The following PDE8B variants were observed in gnomAD, a reference collection of about 807,000 sequenced individuals.
PDE8B encodes phosphodiesterase 8B.
Under a neutral mutation model 101.3 loss-of-function variants are expected in PDE8B, and 26 were observed. That is an observed-to-expected ratio of 0.26 (90% CI 0.19 to 0.36). The LOEUF is 0.36. PDE8B is among the 10% of genes least tolerant of loss of function. PDE8B has a pLI of 1.00. For missense variants in PDE8B, 810 were observed against 1,163.1 expected, an observed-to-expected ratio of 0.70 and a Z score of 4.42; for synonymous variants, 424 against 429.3, an observed-to-expected ratio of 0.99 and a Z score of 0.15.
At chr5:77,218,536 A>G (rs1418306245) in intron 1 of PDE8B, among the ~76,000 whole-genome samples, 1 of 152,190 alleles carries the variant, frequency 6.6e-6, no homozygotes, top group Non-Finnish European at 1.5e-5. Flanking sequence ...TGGTCCTGGA[A>G]CTGCAGTTAT....
chr5:77,331,136 G>T (rs1777040679), intron 4 of PDE8B, among the ~76,000 whole-genome samples: 1 of 152,244 alleles, frequency 6.6e-6, no homozygotes, highest in Non-Finnish European at 1.5e-5. Flanking sequence ...GGGCAGCTGA[G>T]TTGGAAAGGG....
the PDE8B span, among the ~76,000 whole-genome samples, chr5:77,204,376 A>T: frequency 4.0e-5 from 6 of 150,360 alleles, no homozygotes; most frequent in African/African-American, 1.5e-4. Context: ...GCACCACTGT[A>T]CTCAAGCCTG....
At chr5:77,326,128 T>C (rs1223312231) in intron 3 of PDE8B, among the ~76,000 whole-genome samples, 1 of 152,240 alleles carries the variant, frequency 6.6e-6, no homozygotes, top group African/African-American at 2.4e-5. Context: ...AAATATAAAT[T>C]TTTTCCTGCC....
the PDE8B span, chr5:77,140,997 C>A: frequency 6.6e-6 from 1 of 151,976 alleles, no homozygotes; most frequent in African/African-American, 2.4e-5. Flanking sequence ...AAAAAATTTT[C>A]TCTGTGTTTC....
At chr5:77,276,386 G>C (rs947152610) in intron 1 of PDE8B, among the ~76,000 whole-genome samples, 4 of 152,170 alleles carry the variant, frequency 2.6e-5, no homozygotes, top group African/African-American at 9.7e-5. Flanking sequence ...CTCATCCAGA[G>C]TGTCTTCTCC....
intron 1 of PDE8B, among the ~76,000 whole-genome samples, chr5:77,235,583 A>C (rs1003717114): frequency 2.6e-5 from 4 of 151,934 alleles, no homozygotes; most frequent in Non-Finnish European, 4.4e-5. Context: ...AGGTCCTTAC[A>C]CTCATAGTGC....
chr5:77,255,185 T>C (rs4704400), intron 1 of PDE8B, among the ~76,000 whole-genome samples: 81,644 of 152,024 alleles, frequency 0.54, 21,999 homozygotes, highest in South Asian at 0.62. Flanking sequence ...TACACTCTTT[T>C]TGGGGGTGAT....
chr5:77,236,264 G>T (rs1288282501), intron 1 of PDE8B, among the ~76,000 whole-genome samples: 1 of 152,166 alleles, frequency 6.6e-6, no homozygotes, highest in Admixed American at 6.5e-5. Context: ...AGAGGACAAG[G>T]TTCTAGCTAC....
At chr5:77,363,043 T>A (rs926854342) in intron 10 of PDE8B, among the ~76,000 whole-genome samples, 2 of 152,368 alleles carry the variant, frequency 1.3e-5, no homozygotes, top group African/African-American at 4.8e-5. Context: ...GTGGAGCTCA[T>A]GGAAGAGCCT....
At chr5:77,119,656 C>CA in the PDE8B span, 13,713 of 59,924 alleles carry the variant, frequency 0.23, 1,439 homozygotes, top group Non-Finnish European at 0.28. Flanking sequence ...GACTCTGTCT[C>CA]AAAAAAAAAA....
At chr5:77,413,946 TCTC>T (rs1315834601) in intron 17 of PDE8B, among the ~76,000 whole-genome samples, 1 of 152,066 alleles carries the variant, frequency 6.6e-6, no homozygotes, top group Non-Finnish European at 1.5e-5. Context: ...GATCCCCATC[TCTC>T]CTCCTCCCCA....
At chr5:77,134,999 G>C in the PDE8B span, among the ~76,000 whole-genome samples, 1 of 152,168 alleles carries the variant, frequency 6.6e-6, no homozygotes, top group African/African-American at 2.4e-5. Context: ...ATAGCTGAGT[G>C]ACAGCTACGT....
chr5:77,272,684 A>G (rs2149786380), intron 1 of PDE8B, among the ~76,000 whole-genome samples: 1 of 152,314 alleles, frequency 6.6e-6, no homozygotes, highest in African/African-American at 2.4e-5. Flanking sequence ...GTGCTCAATA[A>G]GCACTAGCTT....
chr5:77,233,747 A>T (rs1490512630), intron 1 of PDE8B, among the ~76,000 whole-genome samples: 1 of 147,902 alleles, frequency 6.8e-6, no homozygotes, highest in Non-Finnish European at 1.5e-5. Context: ...TCAGTTTTAG[A>T]CCATTCCAAA....
At chr5:77,229,145 A>G (rs72765194) in intron 1 of PDE8B, among the ~76,000 whole-genome samples, 1 of 152,122 alleles carries the variant, frequency 6.6e-6, no homozygotes, top group African/African-American at 2.4e-5. Context: ...ATACTCTTTA[A>G]AGAGCTTATG....
chr5:77,289,027 T>G (rs1375572695), intron 1 of PDE8B, among the ~76,000 whole-genome samples: 1 of 152,150 alleles, frequency 6.6e-6, no homozygotes, highest in Non-Finnish European at 1.5e-5. Context: ...CTTTCTTCGC[T>G]TCTCTTTTTA....
In PDE8B at chr5:77,404,702, C is replaced by G. The variant is rs780948068; in HGVS notation, c.1211-18C>G. On this transcript the variant is annotated intron_variant, in intron 11 of 21. Transcript: ENST00000264917. ...ACGGAAAACTAATCACCTTCCCTTT[C>G]TAATCTGAAATCCTTAGAGCCTCAT... The G allele has an allele frequency of 6.8e-7, 1 of 1,479,828 alleles. No individual in the cohort carries two copies. The highest frequency in any genetic ancestry group is 9.5e-7 in the Non-Finnish European group (1 of 1,057,792). 91.7% of individuals were successfully genotyped at this position (1,479,828 alleles called of 1,614,324 possible). A position where few individuals can be genotyped will look rare whatever the true frequency, so the allele number is the denominator to read the frequency against.
At chr5:77,311,966 C>T (rs772271127) in intron 1 of PDE8B, 28 bp from the exon 2 acceptor site, 30 of 1,593,930 alleles carry the variant, frequency 1.9e-5, no homozygotes, top group Admixed American at 1.5e-4. Context: ...TAAGACTTGA[C>T]GCTTCTCTTG....
intron 1 of PDE8B, among the ~76,000 whole-genome samples, chr5:77,308,916 TGCCTG>T (rs1771874200): frequency 6.6e-6 from 1 of 152,230 alleles, no homozygotes; most frequent in African/African-American, 2.4e-5. Context: ...CAATGGCTCA[TGCCTG>T]TAATCCCAGC....
Sources: allele counts gnomAD v4.1 joint callset (sites outside exome capture counted in the v4.1 genomes callset), GRCh38; gene constraint gnomAD v4.1.1; transcripts MANE v1.5; gene names NCBI Gene and HGNC (gene_info 2026-07-23, HGNC 2026-07-21).